Variants in SPAG16 observed in about 807,000 individuals in gnomAD.
SPAG16 encodes the protein sperm-associated antigen 16 protein.
In SPAG16, 86 loss-of-function variants were observed where a neutral mutation model predicts 80.4. That is an observed-to-expected ratio of 1.07 (90% CI 0.90 to 1.28). The LOEUF is 1.28. Among genes scored for constraint, SPAG16 ranks in the 50% most tolerant of loss-of-function variants. SPAG16 has a pLI of 0.00. For synonymous variants in SPAG16, 294 were observed against 265.9 expected, an observed-to-expected ratio of 1.11 and a Z score of -1.03; for missense variants, 870 against 765.3, an observed-to-expected ratio of 1.14 and a Z score of -1.61.
Position 213,310,046 on chromosome 2 carries a change from G to C in SPAG16, c.280-13G>C, listed in dbSNP as rs372403102. 7 of 1,531,248 alleles carry C rather than the reference G, an allele frequency of 4.6e-6. No individual in the cohort carries two copies. Among genetic ancestry groups the C allele is most frequent in the South Asian group, 1.1e-5 (1 of 87,158 alleles). 94.9% of individuals were successfully genotyped at this position (1,531,248 alleles called of 1,614,324 possible). A position where few individuals can be genotyped will look rare whatever the true frequency, so the allele number is the denominator to read the frequency against. On this transcript the variant is annotated splice_polypyrimidine_tract_variant and intron_variant, in intron 3 of 15. Transcript: ENST00000331683. ...ATGTTTTCAGAATAAATAAATGCAC[G>C]TTTAAATTTCAGGAACGGAAAACAG...
In SPAG16 at chr2:213,285,971, A is replaced by G. The variant is rs2126040909; in HGVS notation, c.136+1352A>G. 3 of 1,198,528 alleles carry G rather than the reference A, an allele frequency of 2.5e-6. No homozygotes were observed. In the South Asian group the frequency reaches 3.8e-5, roughly 15 times the overall value. 74.2% of individuals were successfully genotyped at this position (1,198,528 alleles called of 1,614,324 possible). On this transcript the variant is annotated intron_variant, in intron 1 of 15. Coordinates refer to ENST00000331683, the MANE Select transcript of SPAG16 (RefSeq NM_024532.5). ...GCATTAAAATTATTTCCGTGAACAC[A>G]TAGTTTAATTGTTAACATGAGATTG... is the stretch of plus-strand genomic sequence containing the variant.
intron 15 of SPAG16, among the ~76,000 whole-genome samples, chr2:214,284,825 G>GTA (rs1285390854): frequency 2.6e-5 from 3 of 115,210 alleles, no homozygotes; most frequent in South Asian, 2.9e-4. Context: ...GTGTGTGTGT[G>GTA]TGTGTGTGCA....
chr2:214,239,994 AG>A (rs1246694080), intron 15 of SPAG16: 14 of 152,208 alleles, frequency 9.2e-5, no homozygotes, highest in African/African-American at 3.1e-4. Context: ...ATCAAGGCCA[AG>A]TAGTCAATAC....
chr2:213,750,286 A>G (rs185234782), intron 10 of SPAG16, among the ~76,000 whole-genome samples: 2 of 152,320 alleles, frequency 1.3e-5, no homozygotes, highest in Admixed American at 1.3e-4. Context: ...ATTCAAAGAG[A>G]CAATTTAACT....
intron 12 of SPAG16, among the ~76,000 whole-genome samples, chr2:214,009,798 G>A (rs2047199439): frequency 6.6e-6 from 1 of 152,170 alleles, no homozygotes; most frequent in Non-Finnish European, 1.5e-5. Context: ...AGAAGTCAGT[G>A]CCTTTCTCTC....
chr2:213,442,605 A>G (rs538899556), intron 9 of SPAG16, among the ~76,000 whole-genome samples: 51 of 152,332 alleles, frequency 3.3e-4, no homozygotes, highest in South Asian at 1.9e-3. Context: ...AGTGGCCAAC[A>G]AATACAGCCA....
chr2:214,275,979 G>A (rs1255771347), intron 15 of SPAG16, among the ~76,000 whole-genome samples: 1 of 152,170 alleles, frequency 6.6e-6, no homozygotes, highest in African/African-American at 2.4e-5. Context: ...GGGTGCTCCT[G>A]TATTGGGTGC....
Position 214,023,407 on chromosome 2 carries a change from T to TA in SPAG16, c.1527+9340dup, listed in dbSNP as rs10709319. 1.0e-4 allele frequency among the ~76,000 whole-genome samples: 15 copies of TA among 149,484 alleles called. 1 individual carries two copies. The South Asian group carries it at 1.3e-3, about 13-fold the overall frequency. On this transcript the variant is annotated intron_variant, in intron 13 of 15. Transcript: ENST00000331683. Reference sequence around the variant, plus strand: ...ATCAATTGCTTCCTAAGGCATTCATTAAAAAAAAAAGAAAAAAATACTTTA... The same window carrying TA: ...ATCAATTGCTTCCTAAGGCATTCATTAAAAAAAAAAAGAAAAAAATACTTTA...
At chr2:213,979,821 T>C (rs1230033550) in intron 12 of SPAG16, among the ~76,000 whole-genome samples, 2 of 152,100 alleles carry the variant, frequency 1.3e-5, no homozygotes, top group African/African-American at 4.8e-5. Flanking sequence ...AGATCTGCTA[T>C]GTATAGTACT....
chr2:213,722,596 A>C (rs2066578013), intron 10 of SPAG16, among the ~76,000 whole-genome samples: 1 of 152,202 alleles, frequency 6.6e-6, no homozygotes. Flanking sequence ...TGGAATCAGT[A>C]CCTGCTGCTA....
chr2:213,982,300 C>G (rs915977285), intron 12 of SPAG16, among the ~76,000 whole-genome samples: 1 of 151,968 alleles, frequency 6.6e-6, no homozygotes, highest in Non-Finnish European at 1.5e-5. Context: ...AAAAAACTCA[C>G]AAAATAGTCT....
At chr2:213,701,970 TA>T (rs2065448865) in intron 10 of SPAG16, among the ~76,000 whole-genome samples, 1 of 152,134 alleles carries the variant, frequency 6.6e-6, no homozygotes, top group African/African-American at 2.4e-5. Context: ...TGTGTCTAGC[TA>T]AAGGATTATA....
At chr2:214,301,044 AT>A (rs1389731908) in intron 15 of SPAG16, among the ~76,000 whole-genome samples, 1 of 140,422 alleles carries the variant, frequency 7.1e-6, no homozygotes, top group East Asian at 2.0e-4. Flanking sequence ...AATAATAATA[AT>A]AATAATAATA....
intron 10 of SPAG16, among the ~76,000 whole-genome samples, chr2:213,538,417 C>T (rs1187208210): frequency 6.6e-6 from 1 of 151,992 alleles, no homozygotes; most frequent in Non-Finnish European, 1.5e-5. Context: ...TTCTGTGCCT[C>T]AGGAATGAGT....
At chr2:213,865,464 G>C (rs2075646645) in intron 11 of SPAG16, among the ~76,000 whole-genome samples, 1 of 151,378 alleles carries the variant, frequency 6.6e-6, no homozygotes, top group Non-Finnish European at 1.5e-5. Context: ...TGTATCCAAA[G>C]CCGTATTCAG....
chr2:213,317,774 A>G (rs2063461130), intron 5 of SPAG16: 1 of 975,164 alleles, frequency 1.0e-6, no homozygotes, highest in African/African-American at 1.8e-5. Context: ...AGAAGGAATA[A>G]TATAAACTGT....
intron 10 of SPAG16, among the ~76,000 whole-genome samples, chr2:213,600,801 C>A (rs1481980150): frequency 1.3e-5 from 2 of 152,144 alleles, no homozygotes; most frequent in Non-Finnish European, 2.9e-5. Context: ...TGTCCTTTTC[C>A]TTTTCTCGCT....
At chr2:213,702,168 C>T (rs115112875) in intron 10 of SPAG16, among the ~76,000 whole-genome samples, 2,178 of 152,230 alleles carry the variant, frequency 0.014, 26 homozygotes, top group South Asian at 0.036. Context: ...CTCTGTAAAA[C>T]GGACCAATCA....
At chr2:214,375,610 G>A (rs1700078182) in intron 15 of SPAG16, among the ~76,000 whole-genome samples, 1 of 152,140 alleles carries the variant, frequency 6.6e-6, no homozygotes, top group Non-Finnish European at 1.5e-5. Context: ...TACTGTTCCT[G>A]AAATGTGAAC....
Sources: gnomAD v4.1 joint callset for allele counts (sites outside exome capture counted in the v4.1 genomes callset) on GRCh38, gnomAD v4.1.1 for gene constraint, MANE v1.5 for transcripts, NCBI Gene and HGNC (gene_info 2026-07-23, HGNC 2026-07-21) for gene names.